LY6G5C: variants seen among roughly 807,000 people sequenced by gnomAD.
LY6G5C encodes lymphocyte antigen 6 complex locus protein G5c.
A neutral mutation model predicts 10.5 loss-of-function variants in LY6G5C; 6 were observed. The observed-to-expected ratio is 0.57, with a 90% CI of 0.31 to 1.12. The LOEUF (loss-of-function observed/expected upper bound fraction) is 1.12. Among genes scored for constraint, LY6G5C ranks in the 50% most tolerant of loss-of-function variants. The pLI is 0.05. For synonymous variants in LY6G5C, 69 were observed against 67.8 expected, an observed-to-expected ratio of 1.02 and a Z score of -0.09; for missense variants, 160 against 185.5, an observed-to-expected ratio of 0.86 and a Z score of 0.80.
At position 31,677,128 on chromosome 6, in the gene LY6G5C, G is replaced by A; in HGVS notation, c.290-8C>T. On this transcript the variant is annotated splice_polypyrimidine_tract_variant and splice_region_variant and intron_variant, in intron 2 of 2. Transcript: ENST00000383237. Reference sequence around the variant, plus strand: ...TGACGTCAGAACCGCTGCCTGGGGAGGGACAGTGGGCACCAGTGATACGGA... The same window carrying A: ...TGACGTCAGAACCGCTGCCTGGGGAAGGACAGTGGGCACCAGTGATACGGA... 6.2e-7 allele frequency: 1 copy of A among 1,611,840 alleles called. No homozygotes were observed. Among genetic ancestry groups the A allele is most frequent in the Non-Finnish European group, 8.5e-7 (1 of 1,179,590 alleles).
Position 31,679,177 on chromosome 6 carries a change from C to T in LY6G5C, c.213G>A (p.Glu71=), listed in dbSNP as rs750127819. The T allele has an allele frequency of 5.0e-6, 8 of 1,613,000 alleles. No homozygotes were observed. The African/African-American group carries it at 6.7e-5, about 13-fold the overall frequency. Residue 71 remains glutamate (E), a synonymous_variant, in exon 2 of 3, where the codon GAG becomes GAA. Transcript: ENST00000383237. The surrounding 1 kb of genome is among the most constrained non-coding windows in gnomAD (Gnocchi z 4.4). ...TGTCAGATCCCAGAAGGCACCCTAA[C>T]TCCTTGGTCTCCAAGAGGCATCGGT...
At chr6:31,680,449 C>G (rs1359719045), upstream of LY6G5C, 1 of 1,509,860 alleles carries the variant, frequency 6.6e-7, no homozygotes, top group Non-Finnish European at 8.9e-7. The surrounding 1 kb of genome is among the most constrained non-coding windows in gnomAD (Gnocchi z 4.5). Context: ...AGAGGCAACA[C>G]CAGCTCAGGG....
chr6:31,680,417 G>C (rs752091851), upstream of LY6G5C: 2 of 1,582,338 alleles, frequency 1.3e-6, no homozygotes, highest in Non-Finnish European at 8.6e-7. The surrounding 1 kb of genome is among the most constrained non-coding windows in gnomAD (Gnocchi z 4.5). Flanking sequence ...TGGTGGAAGA[G>C]AGGTTGGCCA....
intron 2 of LY6G5C, among the ~76,000 whole-genome samples, chr6:31,677,866 A>G (rs1421688734): frequency 1.3e-5 from 2 of 152,200 alleles, no homozygotes; most frequent in Non-Finnish European, 1.5e-5. Context: ...AAGTGGTCAC[A>G]TGTGCAGGGG....
rs1466123230 is a variant in LY6G5C, at chr6:31,680,275, C to T, written c.99G>A (p.Leu33=). The T allele has an allele frequency of 5.6e-6, 9 of 1,612,776 alleles. No individual in the cohort carries two copies. The highest frequency in any genetic ancestry group is 7.6e-6 in the Non-Finnish European group (9 of 1,180,000). Residue 33 remains leucine, a synonymous_variant, in exon 1 of 3, where the codon CTG becomes CTA. Transcript: ENST00000383237. This position sits in a 1 kb window ranked among gnomAD's most constrained non-coding sequence, Gnocchi z 4.5. ...TACCAAACACCAAGCTCATCATGAC[C>T]AGCACTATTAAGAGGACCGTGTAGA...
chr6:31,678,223 G>A (rs771504533), intron 2 of LY6G5C, among the ~76,000 whole-genome samples: 45 of 152,326 alleles, frequency 3.0e-4, no homozygotes, highest in Middle Eastern at 3.4e-3. Context: ...GTGGGGGGTC[G>A]GTGGAAGAGC....
chr6:31,680,330 G>C lies in LY6G5C; in HGVS notation c.44C>G (p.Pro15Arg), dbSNP rs746123755. 6.2e-6 allele frequency: 10 copies of C among 1,610,886 alleles called. No individual in the cohort carries two copies. Among genetic ancestry groups the C allele is most frequent in the Non-Finnish European group, 7.6e-6 (9 of 1,179,862 alleles). Residue 15 changes from proline (P) to arginine (R), a missense_variant, in exon 1 of 3, where the codon CCC becomes CGC. Pro to Arg is a moderately radical substitution (Grantham distance 103). Transcript: ENST00000383237. This position sits in a 1 kb window ranked among gnomAD's most constrained non-coding sequence, Gnocchi z 4.5. ...TTGGGGGCTGCTGTGGAAGCACAGG[G>C]GACCCAGACTCTGGCTCCCTGCAGG...
In LY6G5C at chr6:31,680,291, A is replaced by AC. The variant is rs751812750; in HGVS notation, c.82dup (p.Val28GlyfsTer15). 1 of 1,611,864 alleles carries AC rather than the reference A, an allele frequency of 6.2e-7. No individual in the cohort carries two copies. Among genetic ancestry groups the AC allele is most frequent in the Admixed American group, 1.7e-5 (1 of 59,944 alleles). ...CATCATGACCAGCACTATTAAGAGG[A>AC]CCGTGTAGAGGGCTTGGGGGCTGCT... is the stretch of plus-strand genomic sequence containing the variant. On this transcript the variant is annotated frameshift_variant, in exon 1 of 3. Transcript: ENST00000383237. LOFTEE classifies it high-confidence loss of function. This position sits in a 1 kb window ranked among gnomAD's most constrained non-coding sequence, Gnocchi z 4.5.
In LY6G5C at chr6:31,680,221, G is replaced by A. The variant is rs1301560366; in HGVS notation, c.121+32C>T. ...TCTGTGGGTTTCTCCATCCAGGCCA[G>A]GAGACCCTTCTGAACCCTTGGAGCC... On this transcript the variant is annotated intron_variant, in intron 1 of 2. Transcript: ENST00000383237. This position sits in a 1 kb window ranked among gnomAD's most constrained non-coding sequence, Gnocchi z 4.5. The A allele has an allele frequency of 6.2e-7, 1 of 1,612,926 alleles. No homozygotes were observed. The highest frequency in any genetic ancestry group is 1.7e-5 in the Admixed American group (1 of 60,014).
At chr6:31,676,786 G>A (rs1257038421) in exon 3 of LY6G5C, 4 of 640,112 alleles carry the variant, frequency 6.2e-6, no homozygotes, top group Admixed American at 2.7e-5. Context: ...GTAGCAGTAA[G>A]TGTGCTGAAG....
chr6:31,680,878 C>A (rs1218938016), upstream of LY6G5C, among the ~76,000 whole-genome samples: 2 of 152,202 alleles, frequency 1.3e-5, no homozygotes, highest in African/African-American at 4.8e-5. The surrounding 1 kb of genome is among the most constrained non-coding windows in gnomAD (Gnocchi z 4.5). Context: ...ATTCCCGAGT[C>A]CGGTCACAAG....
chr6:31,677,059 T>C, exon 3 of LY6G5C: 1 of 1,612,994 alleles, frequency 6.2e-7, no homozygotes, highest in Non-Finnish European at 8.5e-7. Flanking sequence ...TTCGGGTATT[T>C]GAACAATCAC....
chr6:31,680,340 T>C lies in LY6G5C; in HGVS notation c.34A>G (p.Ser12Gly), dbSNP rs748028066. Reference sequence around the variant, plus strand: ...CTGTGGAAGCACAGGGGACCCAGACTCTGGCTCCCTGCAGGGCCTGCCATA... The same window carrying C: ...CTGTGGAAGCACAGGGGACCCAGACCCTGGCTCCCTGCAGGGCCTGCCATA... Residue 12 changes from serine to glycine, a missense_variant, in exon 1 of 3, where the codon AGT becomes GGT. Transcript: ENST00000383237. The surrounding 1 kb of genome is among the most constrained non-coding windows in gnomAD (Gnocchi z 4.5). 5 of 1,601,502 alleles carry C rather than the reference T, an allele frequency of 3.1e-6. No individual in the cohort carries two copies. The highest frequency in any genetic ancestry group is 4.3e-6 in the Non-Finnish European group (5 of 1,175,644).
intron 2 of LY6G5C, among the ~76,000 whole-genome samples, chr6:31,678,309 A>T (rs961516362): frequency 6.6e-6 from 1 of 152,214 alleles, no homozygotes; most frequent in Non-Finnish European, 1.5e-5. Flanking sequence ...GCGGTTTGAC[A>T]TAACATTCAG....
chr6:31,676,890 C>A, exon 3 of LY6G5C: 2 of 1,524,952 alleles, frequency 1.3e-6, no homozygotes, highest in South Asian at 1.1e-5. Flanking sequence ...CTGGCCAAGC[C>A]CAGATAGAAG....
chr6:31,677,221 A>G, intron 2 of LY6G5C, 101 bp from the exon 3 acceptor site: 1 of 1,256,750 alleles, frequency 8.0e-7, no homozygotes, highest in South Asian at 1.4e-5. Context: ...AGAAAAAGAA[A>G]AGATTCCTGT....
Position 31,680,349 on chromosome 6 carries a change from C to T in LY6G5C, c.25G>A (p.Gly9Arg), listed in dbSNP as rs770884618. 6.5e-7 allele frequency: 1 copy of T among 1,539,622 alleles called. No individual in the cohort carries two copies. The highest frequency in any genetic ancestry group is 8.7e-7 in the Non-Finnish European group (1 of 1,143,132). ...CACAGGGGACCCAGACTCTGGCTCC[C>T]TGCAGGGCCTGCCATAAAACGCATG... The change falls in exon 1 of 3, where the codon GGG becomes AGG. Residue 9 changes from glycine to arginine, a missense_variant. Coordinates refer to ENST00000383237, the Ensembl canonical transcript of LY6G5C. The surrounding 1 kb of genome is among the most constrained non-coding windows in gnomAD (Gnocchi z 4.5).
chr6:31,677,142 C>T (rs1802625248), intron 2 of LY6G5C, 22 bp from the exon 3 acceptor site: 6 of 1,610,146 alleles, frequency 3.7e-6, no homozygotes, highest in Non-Finnish European at 5.1e-6. Context: ...CAGTGGGCAC[C>T]AGTGATACGG....
In LY6G5C at chr6:31,680,225, A is replaced by G; in HGVS notation, c.121+28T>C. Reference sequence around the variant, plus strand: ...TGGGTTTCTCCATCCAGGCCAGGAGACCCTTCTGAACCCTTGGAGCCACTT... The same window carrying G: ...TGGGTTTCTCCATCCAGGCCAGGAGGCCCTTCTGAACCCTTGGAGCCACTT... On this transcript the variant is annotated intron_variant, in intron 1 of 2. Coordinates refer to ENST00000383237, the Ensembl canonical transcript of LY6G5C. This position sits in a 1 kb window ranked among gnomAD's most constrained non-coding sequence, Gnocchi z 4.5. 6.2e-7 allele frequency: 1 copy of G among 1,612,540 alleles called. No individual in the cohort carries two copies.
Sources: allele counts gnomAD v4.1 joint callset (sites outside exome capture counted in the v4.1 genomes callset), GRCh38; gene constraint gnomAD v4.1.1; non-coding constraint Gnocchi (gnomAD v3.1); transcripts MANE v1.5; gene names NCBI Gene and HGNC (gene_info 2026-07-23, HGNC 2026-07-21).